The following CDK18 variants were observed in gnomAD, a reference collection of about 807,000 sequenced individuals.
The protein encoded by CDK18 is cyclin-dependent kinase 18.
In CDK18, 52 loss-of-function variants were observed where a neutral mutation model predicts 62.0. That is an observed-to-expected ratio of 0.84 (90% CI 0.67 to 1.06). The LOEUF (loss-of-function observed/expected upper bound fraction) is 1.06, where lower values mean the gene tolerates loss of function less well. Among genes scored for constraint, CDK18 ranks in the 50% least tolerant of loss-of-function variants. The pLI, the probability that CDK18 is intolerant of heterozygous loss-of-function variation, is 0.00. For synonymous variants in CDK18, 237 were observed against 247.0 expected, an observed-to-expected ratio of 0.96 and a Z score of 0.38; for missense variants, 604 against 619.9, an observed-to-expected ratio of 0.97 and a Z score of 0.27.
chr1:205,506,828 G>C lies in CDK18; in HGVS notation c.-22+2032G>C, dbSNP rs529052447. ...TCTGTCCTGCACTAGGCAGAGCCAG[G>C]CTTCTCCATGGGGCACAGGAGAGAG... is the stretch of plus-strand genomic sequence containing the variant. On this transcript the variant is annotated intron_variant, in intron 1 of 15. Transcript: ENST00000429964. Among the ~76,000 whole-genome samples the C allele has an allele frequency of 5.2e-4, 79 of 152,350 alleles. 1 individual carries two copies. In the South Asian group the frequency reaches 9.9e-3, roughly 19 times the overall value.
Position 205,530,336 on chromosome 1 carries a change from C to A in CDK18, c.1299C>A (p.His433Gln). ...SYFRSLGERVHQLEDTASIFS... is the reference protein window; with the variant it reads ...SYFRSLGERVQQLEDTASIFS... ...TCCGGTCTCTGGGAGAGCGTGTGCACCAGCTTGAAGACAGTGAGTACTGGG... is the reference window on the plus strand; with the variant it reads ...TCCGGTCTCTGGGAGAGCGTGTGCAACAGCTTGAAGACAGTGAGTACTGGG... Residue 433 changes from histidine (H) to glutamine (Q), a missense_variant, in exon 14 of 16, where the codon CAC becomes CAA. Coordinates refer to ENST00000429964, the MANE Select transcript of CDK18 (RefSeq NM_212502.3). 1 of 1,612,832 alleles carries A rather than the reference C, an allele frequency of 6.2e-7. No homozygotes were observed. Among genetic ancestry groups the A allele is most frequent in the Non-Finnish European group, 8.5e-7 (1 of 1,180,006 alleles).
chr1:205,512,510 A>C (rs1400512272), intron 1 of CDK18, among the ~76,000 whole-genome samples: 3 of 152,202 alleles, frequency 2.0e-5, no homozygotes, highest in Admixed American at 6.5e-5. Context: ...TTGAACAACT[A>C]TGAGATGTTC....
In CDK18 at chr1:205,524,326, C is replaced by T. The variant is rs766625837; in HGVS notation, c.368C>T (p.Pro123Leu). ...LQMESPDLPK[P>L]LSRMSRRASL... ...ATGGAGAGCCCAGATCTGCCCAAGC[C>T]GCTCAGCCGCATGTCCCGCCGGGCC... Residue 123 changes from proline (P) to leucine (L), a missense_variant, in exon 4 of 16, where the codon CCG becomes CTG. Coordinates refer to ENST00000429964, the MANE Select transcript of CDK18 (RefSeq NM_212502.3). 3.3e-5 allele frequency: 53 copies of T among 1,614,046 alleles called. No individual in the cohort carries two copies. In the Middle Eastern group the frequency reaches 4.9e-4, roughly 15 times the overall value.
Position 205,527,828 on chromosome 1 carries a change from A to G in CDK18, c.764A>G (p.Tyr255Cys), listed in dbSNP as rs976750326. 1 of 1,613,896 alleles carries G rather than the reference A, an allele frequency of 6.2e-7. No homozygotes were observed. The change falls in exon 9 of 16, where the codon TAC becomes TGC. Residue 255 changes from tyrosine to cysteine, a missense_variant. By Grantham distance (194) the Tyr-to-Cys change is radical (BLOSUM62 -2). Coordinates refer to ENST00000429964, the MANE Select transcript of CDK18 (RefSeq NM_212502.3). The surrounding 1 kb of genome is among the most constrained non-coding windows in gnomAD (Gnocchi z 4.1). ...TTCCAGCTGCTCCGGGGCCTCGCCT[A>G]CTGTCACCACCGCAAGATCCTGCAC... ...FMFQLLRGLA[Y>C]CHHRKILHRD...
chr1:205,524,662 TTG>T (rs1158563265), intron 4 of CDK18, among the ~76,000 whole-genome samples: 3 of 152,214 alleles, frequency 2.0e-5, no homozygotes, highest in African/African-American at 7.2e-5. Context: ...TCAGAGCTGT[TTG>T]GGACATCTTA....
rs764276589 is a variant in CDK18, at chr1:205,526,761, G to T, written c.667-14G>T. The T allele has an allele frequency of 6.2e-7, 1 of 1,612,062 alleles. No individual in the cohort carries two copies. The highest frequency in any genetic ancestry group is 8.5e-7 in the Non-Finnish European group (1 of 1,178,172). ...TCAGCGTGGGGCAGGACTGAGCCACGCTCTGTGTTCCAGGACAGTGACCTG... is the reference window on the plus strand; with the variant it reads ...TCAGCGTGGGGCAGGACTGAGCCACTCTCTGTGTTCCAGGACAGTGACCTG... On this transcript the variant is annotated splice_polypyrimidine_tract_variant and intron_variant, in intron 7 of 15. Coordinates refer to ENST00000429964, the MANE Select transcript of CDK18 (RefSeq NM_212502.3).
chr1:205,515,915 ATC>A (rs1455827265), intron 1 of CDK18, among the ~76,000 whole-genome samples: 1 of 152,202 alleles, frequency 6.6e-6, no homozygotes, highest in East Asian at 1.9e-4. Context: ...TGTCCAGAGC[ATC>A]TGTTTGTTGG....
intron 1 of CDK18, among the ~76,000 whole-genome samples, chr1:205,507,137 T>C (rs1667345859): frequency 6.6e-6 from 1 of 152,198 alleles, no homozygotes; most frequent in Non-Finnish European, 1.5e-5. Context: ...TTGTCCAGCA[T>C]CTCCATCTAC....
At position 205,530,681 on chromosome 1, in the gene CDK18, C is replaced by T. The variant is rs1241397677; in HGVS notation, c.1366C>T (p.Arg456Ter). Residue 456 changes from arginine (R) to a stop codon, truncating the protein, a stop_gained, in exon 15 of 16, where the codon CGA becomes TGA. Coordinates refer to ENST00000429964, the MANE Select transcript of CDK18 (RefSeq NM_212502.3). LOFTEE classifies it high-confidence loss of function. Reference protein sequence around the residue: ...EIQLQKDPGYRGLAFQQPGRG... With the variant: ...EIQLQKDPGY ...CCAGCTCCAGAAGGACCCAGGCTAC[C>T]GAGGCTTGGCCTTCCAGCAGCCAGG... is the stretch of plus-strand genomic sequence containing the variant. 5 of 1,613,816 alleles carry T rather than the reference C, an allele frequency of 3.1e-6. No individual in the cohort carries two copies. Among genetic ancestry groups the T allele is most frequent in the South Asian group, 1.1e-5 (1 of 91,080 alleles).
chr1:205,524,573 C>A (rs192052517), intron 4 of CDK18, among the ~76,000 whole-genome samples: 19 of 152,342 alleles, frequency 1.2e-4, no homozygotes, highest in Non-Finnish European at 2.1e-4. Flanking sequence ...GGACTCTAAG[C>A]CCACAGTGGG....
At position 205,516,435 on chromosome 1, in the gene CDK18, G is replaced by A. The variant is rs1233651306; in HGVS notation, c.-21-6712G>A. Among the ~76,000 whole-genome samples the A allele has an allele frequency of 3.9e-5, 6 of 152,084 alleles. No individual in the cohort carries two copies. The highest frequency in any genetic ancestry group is 2.1e-4 in the South Asian group (1 of 4,814). On this transcript the variant is annotated intron_variant, in intron 1 of 15. Transcript: ENST00000429964. This position sits in a 1 kb window ranked among gnomAD's most constrained non-coding sequence, Gnocchi z 4.8. ...CAGAAAGTGGGCAGCCACAAGTTACGTCCCCCAACCCCTGCCCCTGGGCCC... is the reference window on the plus strand; with the variant it reads ...CAGAAAGTGGGCAGCCACAAGTTACATCCCCCAACCCCTGCCCCTGGGCCC...
At chr1:205,519,584 G>A (rs182958444) in intron 1 of CDK18, among the ~76,000 whole-genome samples, 21 of 152,232 alleles carry the variant, frequency 1.4e-4, no homozygotes, top group Admixed American at 5.9e-4. Flanking sequence ...CCTGTCCTGC[G>A]GGTGGAGAAC....
At chr1:205,514,038 C>T (rs577486363) in intron 1 of CDK18, among the ~76,000 whole-genome samples, 2 of 152,360 alleles carry the variant, frequency 1.3e-5, no homozygotes, top group South Asian at 4.1e-4. Flanking sequence ...TTGTCTCAGG[C>T]TTTGGGTCAG....
In CDK18 at chr1:205,523,372, C is replaced by T. The variant is rs748194431; in HGVS notation, c.130+75C>T. 5 of 1,599,444 alleles carry T rather than the reference C, an allele frequency of 3.1e-6. No individual in the cohort carries two copies. In the African/African-American group the frequency reaches 6.7e-5, roughly 21 times the overall value. ...CCAGTCACCTTCCCCTCCCCGCCCA[C>T]CCCCTCCCCACTGGCCTTAGGGGAG... On this transcript the variant is annotated intron_variant, in intron 2 of 15. Transcript: ENST00000429964.
chr1:205,523,421 G>A (rs748222295), intron 2 of CDK18, 62 bp from the exon 3 acceptor site: 19 of 1,598,432 alleles, frequency 1.2e-5, no homozygotes, highest in East Asian at 2.2e-5. Context: ...GGGGAGGGGG[G>A]CTACCCTTCT....
intron 3 of CDK18, 107 bp from the exon 4 acceptor site, chr1:205,524,124 TG>T: frequency 7.5e-7 from 1 of 1,325,076 alleles, no homozygotes; most frequent in Non-Finnish European, 1.1e-6. Context: ...GGGCTCTGAA[TG>T]GTTGTTCTGC....
rs922590056 is a variant in CDK18 at position 205,512,545 on chromosome 1, G to A, written c.-22+7749G>A. The stretch of plus-strand genomic sequence containing the variant: ...CAGAGGCCTGGGGGAGGCCATGCAG[G>A]CCAAGGAGGCCTCCTGGGCCCAGCC... On this transcript the variant is annotated intron_variant, in intron 1 of 15. Transcript: ENST00000429964. Among the ~76,000 whole-genome samples the A allele has an allele frequency of 4.2e-4, 64 of 152,310 alleles. 1 individual carries two copies. Among genetic ancestry groups the A allele is most frequent in the African/African-American group, 1.4e-3 (57 of 41,576 alleles).
chr1:205,530,842 G>A (rs1668703552), intron 15 of CDK18, 137 bp downstream of exon 15: 3 of 693,420 alleles, frequency 4.3e-6, no homozygotes, highest in Non-Finnish European at 7.7e-6. Flanking sequence ...AGAAGGGGTT[G>A]GTTTCTCCTG....
intron 1 of CDK18, among the ~76,000 whole-genome samples, chr1:205,513,314 C>G (rs1364494253): frequency 2.0e-5 from 3 of 152,154 alleles, no homozygotes; most frequent in Non-Finnish European, 1.5e-5. Context: ...GGAGGCCAGG[C>G]CTATCCTGGC....
Sources: gnomAD v4.1 joint callset for allele counts (sites outside exome capture counted in the v4.1 genomes callset) on GRCh38, gnomAD v4.1.1 for gene constraint, Gnocchi (gnomAD v3.1) non-coding constraint, MANE v1.5 for transcripts, NCBI Gene and HGNC (gene_info 2026-07-23, HGNC 2026-07-21) for gene names.